Variants in AUTS2 observed in about 807,000 individuals in gnomAD.
The protein encoded by AUTS2 is activator of transcription and developmental regulator AUTS2, also known as autism susceptibility gene 2 protein.
In AUTS2, 17 loss-of-function variants were observed where a neutral mutation model predicts 112.4. That is an observed-to-expected ratio of 0.15 (90% CI 0.10 to 0.23). AUTS2 has a LOEUF of 0.23. Among genes scored for constraint, AUTS2 ranks in the 10% least tolerant of loss-of-function variants. The probability of loss-of-function intolerance (pLI) is 1.00; values close to 1 mark genes in which losing one functional copy is unlikely to be tolerated. For synonymous variants in AUTS2, 751 were observed against 702.7 expected (o/e 1.07, Z -1.09); for missense variants, 1,510 against 1,701.6 (o/e 0.89, Z 1.98).
At chr7:70,234,905 G>A (rs35062112) in intron 4 of AUTS2, among the ~76,000 whole-genome samples, 30,982 of 152,038 alleles carry the variant, frequency 0.2, 3,139 homozygotes, top group Middle Eastern at 0.33. Context: ...GGCAGGTAAT[G>A]TCCTTAATGA....
chr7:70,131,261 G>A (rs1806257350), intron 3 of AUTS2, among the ~76,000 whole-genome samples: 1 of 151,958 alleles, frequency 6.6e-6, no homozygotes, highest in Admixed American at 6.6e-5. Flanking sequence ...GACCAGCCTG[G>A]GCAACATAGT....
intron 5 of AUTS2, among the ~76,000 whole-genome samples, chr7:70,620,219 A>C (rs1804598721): frequency 6.6e-6 from 1 of 152,214 alleles, no homozygotes; most frequent in South Asian, 2.1e-4. Context: ...ATGTAAATGC[A>C]ATTTTTGACA....
At chr7:69,729,994 ATTTTTTTTTTT>A (rs10684331) in intron 1 of AUTS2, among the ~76,000 whole-genome samples, 3 of 56,750 alleles carry the variant, frequency 5.3e-5, no homozygotes, top group Non-Finnish European at 9.0e-5. Flanking sequence ...TGTTGTTTTA[ATTTTTTTTTTT>A]TTTTTTTTTT....
In AUTS2 at chr7:69,744,974, T is replaced by G. The variant is rs570716228; in HGVS notation, c.309+145012T>G. Among the ~76,000 whole-genome samples the G allele has an allele frequency of 2.1e-4, 32 of 152,362 alleles. No individual in the cohort carries two copies. The Middle Eastern group carries it at 0.014, about 65-fold the overall frequency. On this transcript the variant is annotated intron_variant, in intron 1 of 18. Coordinates refer to ENST00000342771, the MANE Select transcript of AUTS2 (RefSeq NM_015570.4). ...AGTGCTTCTCAAGGAATGTCTTTTT[T>G]GCAAAGTGCTGCAGTCCATTTGGCT...
intron 4 of AUTS2, among the ~76,000 whole-genome samples, chr7:70,235,721 G>A (rs1377756933): frequency 2.0e-5 from 3 of 150,298 alleles, no homozygotes; most frequent in African/African-American, 4.9e-5. Flanking sequence ...GTATGATTTC[G>A]GCTCACTCCA....
chr7:70,627,948 C>A (rs1256317182), intron 5 of AUTS2, among the ~76,000 whole-genome samples: 19 of 152,316 alleles, frequency 1.2e-4, no homozygotes, highest in Admixed American at 1.2e-3. Context: ...ATATTAAAAC[C>A]AAGCCCTGAA....
At chr7:70,504,333 C>A (rs1798882375) in intron 5 of AUTS2, among the ~76,000 whole-genome samples, 1 of 151,762 alleles carries the variant, frequency 6.6e-6, no homozygotes, top group Non-Finnish European at 1.5e-5. Flanking sequence ...CATATCACAC[C>A]TTTGCCACAC....
intron 2 of AUTS2, among the ~76,000 whole-genome samples, chr7:69,904,637 G>A (rs1017753772): frequency 6.6e-6 from 1 of 152,104 alleles, no homozygotes; most frequent in East Asian, 1.9e-4. Context: ...CAGTTAAACC[G>A]TTTCTACCTC....
At chr7:70,671,401 C>T (rs187826103) in intron 5 of AUTS2, among the ~76,000 whole-genome samples, 67 of 152,308 alleles carry the variant, frequency 4.4e-4, no homozygotes, top group Non-Finnish European at 7.6e-4. Context: ...AAAAGGATAG[C>T]CCTAGCCCCT....
At chr7:70,133,797 C>A (rs2129574792) in intron 3 of AUTS2, among the ~76,000 whole-genome samples, 1 of 152,210 alleles carries the variant, frequency 6.6e-6, no homozygotes, top group Non-Finnish European at 1.5e-5. Context: ...TTTGGGGGGG[C>A]TTCTTTTCCC....
At chr7:70,389,403 G>A (rs556199121) in intron 4 of AUTS2, among the ~76,000 whole-genome samples, 1 of 152,266 alleles carries the variant, frequency 6.6e-6, no homozygotes, top group East Asian at 1.9e-4. Context: ...CATGTAGCCG[G>A]CCCAATCTGG....
In AUTS2 at chr7:70,764,742, G is replaced by C; in HGVS notation, c.1215-10G>C. On this transcript the variant is annotated splice_polypyrimidine_tract_variant and intron_variant, in intron 7 of 18. Coordinates refer to ENST00000342771, the MANE Select transcript of AUTS2 (RefSeq NM_015570.4). ...ATTTTTTTCTTTTCTTTTTTTTCTT[G>C]TTCCGATAGCAGCAGCAGAAGCAGC... 4.2e-6 allele frequency: 3 copies of C among 713,118 alleles called. No individual in the cohort carries two copies. The highest frequency in any genetic ancestry group is 1.5e-5 in the South Asian group (1 of 65,278). 44.2% of individuals were successfully genotyped at this position (713,118 alleles called of 1,614,324 possible).
intron 5 of AUTS2, among the ~76,000 whole-genome samples, chr7:70,593,954 A>G (rs1049871474): frequency 2.6e-5 from 4 of 152,194 alleles, no homozygotes; most frequent in African/African-American, 9.6e-5. Context: ...AACATCATAG[A>G]ACATAGAACA....
At chr7:69,669,659 A>G (rs1226325867) in intron 1 of AUTS2, among the ~76,000 whole-genome samples, 1 of 152,154 alleles carries the variant, frequency 6.6e-6, no homozygotes, top group African/African-American at 2.4e-5. Flanking sequence ...TTTTGTTGGG[A>G]AAGATAACTC....
At chr7:70,703,778 G>A (rs1809591038) in intron 6 of AUTS2, among the ~76,000 whole-genome samples, 1 of 152,128 alleles carries the variant, frequency 6.6e-6, no homozygotes, top group Non-Finnish European at 1.5e-5. Context: ...CCACATAAGG[G>A]AGAGTTAGAA....
At chr7:70,688,171 T>C (rs1427057388) in intron 5 of AUTS2, among the ~76,000 whole-genome samples, 2 of 152,196 alleles carry the variant, frequency 1.3e-5, no homozygotes, top group African/African-American at 4.8e-5. Flanking sequence ...CAGACACTTG[T>C]TGGGAGCCCT....
intron 4 of AUTS2, among the ~76,000 whole-genome samples, chr7:70,387,271 G>A (rs1371933097): frequency 1.3e-5 from 2 of 152,076 alleles, no homozygotes; most frequent in Admixed American, 1.3e-4. Flanking sequence ...GTCTCTCCTT[G>A]TAGTTCATGG....
chr7:70,779,885 A>G (rs532693823), intron 14 of AUTS2, among the ~76,000 whole-genome samples: 54 of 152,294 alleles, frequency 3.5e-4, no homozygotes, highest in African/African-American at 1.3e-3. Context: ...CCAAAATGAA[A>G]AAACATTAGC....
chr7:70,110,637 G>A (rs530613870), intron 2 of AUTS2, among the ~76,000 whole-genome samples: 34 of 152,172 alleles, frequency 2.2e-4, no homozygotes, highest in Admixed American at 2.0e-3. Context: ...CACTTCAGTC[G>A]TTTTTATTTT....
Sources: allele counts gnomAD v4.1 joint callset (sites outside exome capture counted in the v4.1 genomes callset), GRCh38; gene constraint gnomAD v4.1.1; transcripts MANE v1.5; gene names NCBI Gene and HGNC (gene_info 2026-07-23, HGNC 2026-07-21).